The following CENPI variants were observed in gnomAD, a reference collection of about 807,000 sequenced individuals.
CENPI encodes the protein FSH primary response 1.
A neutral mutation model predicts 60.4 loss-of-function variants in CENPI; 4 were observed. The observed-to-expected ratio is 0.07, with a 90% confidence interval of 0.03 to 0.15. CENPI has a LOEUF of 0.15. Ranked by LOEUF, CENPI falls within the 10% of genes least tolerant of loss-of-function variation. The pLI, the probability that CENPI is intolerant of heterozygous loss-of-function variation, is 1.00. For synonymous variants in CENPI, 157 were observed against 189.4 expected, an observed-to-expected ratio of 0.83 and a Z score of 1.40; for missense variants, 444 against 534.5, an observed-to-expected ratio of 0.83 and a Z score of 1.67.
At chrX:101,138,990 T>C (rs2089882094) in intron 15 of CENPI, among the ~76,000 whole-genome samples, 1 of 101,733 alleles carries the variant, frequency 9.8e-6, no homozygotes. Flanking sequence ...GGTTTCACCA[T>C]GTTGGCCAGG....
chrX:101,159,395 C>T, intron 20 of CENPI, among the ~76,000 whole-genome samples: 1 of 110,276 alleles, frequency 9.1e-6, no homozygotes, highest in Non-Finnish European at 1.9e-5. Context: ...ATCTCCTGAC[C>T]TCGTGATCAG....
At chrX:101,178,337 C>T in the CENPI span, among the ~76,000 whole-genome samples, 1 of 108,040 alleles carries the variant, frequency 9.3e-6, no homozygotes, top group Admixed American at 9.9e-5. Flanking sequence ...TACCAGATGC[C>T]TCTAGTCAGC....
Position 101,132,251 on chromosome X carries a change from G to T in CENPI, c.1349G>T (p.Cys450Phe), listed in dbSNP as rs1431694215. The change falls in exon 14 of 22, where the codon TGT becomes TTT. Residue 450 changes from cysteine to phenylalanine, a missense_variant. Coordinates refer to ENST00000682095, the MANE Select transcript of CENPI (RefSeq NM_001386188.2). ...YKSLPLWDGL[C>F]CRSQFLQLVS... ...AGCCTTCCTCTCTGGGATGGCCTTT[G>T]TTGTCGGTCACAGTTCCTTCAGCTT... 8.3e-7 allele frequency: 1 copy of T among 1,210,192 alleles called. No homozygotes were observed. Among genetic ancestry groups the T allele is most frequent in the Admixed American group, 2.2e-5 (1 of 46,022 alleles).
At chrX:101,106,287 C>T (rs2089482577) in intron 4 of CENPI, among the ~76,000 whole-genome samples, 1 of 111,610 alleles carries the variant, frequency 9.0e-6, no homozygotes, top group South Asian at 3.8e-4. Flanking sequence ...TGATTCATTA[C>T]CTATCATCAC....
intron 15 of CENPI, among the ~76,000 whole-genome samples, chrX:101,134,734 A>T (rs536368730): frequency 9.0e-6 from 1 of 111,629 alleles, no homozygotes; most frequent in East Asian, 2.8e-4. Flanking sequence ...GTTAAAAATT[A>T]AGGAATTGGC....
chrX:101,166,451 G>C (rs2090144666), downstream of CENPI, among the ~76,000 whole-genome samples: 1 of 112,830 alleles, frequency 8.9e-6, no homozygotes, highest in African/African-American at 3.2e-5. Flanking sequence ...ACCGTGCCCA[G>C]CCCTCTTTTA....
the CENPI span, among the ~76,000 whole-genome samples, chrX:101,180,348 G>A: frequency 9.0e-6 from 1 of 110,559 alleles, no homozygotes; most frequent in African/African-American, 3.3e-5. Flanking sequence ...TGTTGCCTAG[G>A]CTGTTCTTGA....
the CENPI span, among the ~76,000 whole-genome samples, chrX:101,173,056 G>GC: frequency 1.3e-5 from 1 of 77,994 alleles, no homozygotes; most frequent in Non-Finnish European, 2.3e-5. Context: ...TTGCTCTGTT[G>GC]CCAGGCTGGA....
downstream of CENPI, among the ~76,000 whole-genome samples, chrX:101,168,670 G>T (rs191898785): frequency 3.6e-3 from 402 of 112,188 alleles, 2 homozygotes; most frequent in African/African-American, 0.012. Context: ...ACGTAAGGAT[G>T]ACCCTTAGGA....
chrX:101,100,714 C>T (rs774696144), intron 2 of CENPI: 4 of 148,961 alleles, frequency 2.7e-5, no homozygotes, highest in Admixed American at 1.6e-4. Flanking sequence ...TGAGCCACCA[C>T]GCCCGGCCGA....
At chrX:101,177,127 G>C in the CENPI span, among the ~76,000 whole-genome samples, 1 of 111,652 alleles carries the variant, frequency 9.0e-6, no homozygotes, top group African/African-American at 3.3e-5. Flanking sequence ...TGGCTTGCTT[G>C]GGTGCCAGTA....
chrX:101,147,749 G>A lies in CENPI; in HGVS notation c.1827-14G>A. ...GCATGTTAAATGTTTCATTCTGTTTGTTTTTTCTGTTAGATATCGTAAAAA... is the reference window on the plus strand; with the variant it reads ...GCATGTTAAATGTTTCATTCTGTTTATTTTTTCTGTTAGATATCGTAAAAA... On this transcript the variant is annotated splice_polypyrimidine_tract_variant and intron_variant, in intron 18 of 21. Coordinates refer to ENST00000682095, the MANE Select transcript of CENPI (RefSeq NM_001386188.2). 1 of 1,181,529 alleles carries A rather than the reference G, an allele frequency of 8.5e-7. No individual in the cohort carries two copies. Among genetic ancestry groups the A allele is most frequent in the Non-Finnish European group, 1.1e-6 (1 of 872,339 alleles).
chrX:101,162,948 A>T lies in CENPI; in HGVS notation c.2252A>T (p.Asn751Ile). 8.3e-7 allele frequency: 1 copy of T among 1,209,504 alleles called. No individual in the cohort carries two copies. The highest frequency in any genetic ancestry group is 1.1e-6 in the Non-Finnish European group (1 of 894,244). Residue 751 changes from asparagine (N) to isoleucine (I), a missense_variant, in exon 22 of 22, where the codon AAC becomes ATC. By Grantham distance (149) the Asn-to-Ile change is moderately radical. Transcript: ENST00000682095. ...HSSIPRAEGI[N>I]CNNQY is the part of the protein sequence containing the mutation. The stretch of plus-strand genomic sequence containing the variant: ...TCCATTCCCAGAGCAGAGGGCATAA[A>T]CTGCAACAATCAATATTAAATGAAT...
At chrX:101,151,554 G>T (rs1443002916) in intron 20 of CENPI, among the ~76,000 whole-genome samples, 2 of 111,569 alleles carry the variant, frequency 1.8e-5, no homozygotes, top group Non-Finnish European at 3.8e-5. Flanking sequence ...ATGAAGCCAG[G>T]CACGGGGTGG....
chrX:101,134,963 G>A (rs192508238), intron 15 of CENPI, among the ~76,000 whole-genome samples: 82 of 109,531 alleles, frequency 7.5e-4, no homozygotes, highest in African/African-American at 2.6e-3. Context: ...GCAGTGAGCC[G>A]AGGTTGCACC....
chrX:101,175,863 A>C, the CENPI span, among the ~76,000 whole-genome samples: 2 of 111,356 alleles, frequency 1.8e-5, no homozygotes, highest in Non-Finnish European at 3.8e-5. Context: ...CTGTGCTGTC[A>C]AGCATTAGAA....
At chrX:101,173,011 A>ATT in the CENPI span, among the ~76,000 whole-genome samples, 9,402 of 68,425 alleles carry the variant, frequency 0.14, 713 homozygotes, top group African/African-American at 0.2. Context: ...AGTTGTAGGA[A>ATT]TTTTTTTTTT....
chrX:101,101,012 G>C (rs1210356792), intron 2 of CENPI, 46 bp from the exon 3 acceptor site: 1 of 919,674 alleles, frequency 1.1e-6, no homozygotes, highest in Non-Finnish European at 1.6e-6. Flanking sequence ...GAGAAAAAAG[G>C]ACTGTTTGGC....
chrX:101,159,722 A>G (rs1221683285), intron 20 of CENPI, among the ~76,000 whole-genome samples: 7 of 111,246 alleles, frequency 6.3e-5, no homozygotes. Flanking sequence ...TCGGCCTCCC[A>G]AAATGTTGGG....
Sources: allele counts gnomAD v4.1 joint callset (sites outside exome capture counted in the v4.1 genomes callset), GRCh38; gene constraint gnomAD v4.1.1; transcripts MANE v1.5; gene names NCBI Gene and HGNC (gene_info 2026-07-23, HGNC 2026-07-21).